Variants in HOXC4 observed in about 807,000 individuals in gnomAD.
HOXC4 encodes homeobox C4.
Under a neutral mutation model 25.5 loss-of-function variants are expected in HOXC4, and 15 were observed. The observed-to-expected ratio is 0.59, with a 90% confidence interval of 0.39 to 0.91. The LOEUF (loss-of-function observed/expected upper bound fraction) is 0.91, where lower values mean the gene tolerates loss of function less well. Among genes scored for constraint, HOXC4 ranks in the 40% least tolerant of loss-of-function variants. The pLI, the probability that HOXC4 is intolerant of heterozygous loss-of-function variation, is 0.00. For missense variants in HOXC4, 342 were observed against 352.4 expected, an observed-to-expected ratio of 0.97 and a Z score of 0.24; for synonymous variants, 165 against 148.0, an observed-to-expected ratio of 1.11 and a Z score of -0.83.
At chr12:54,030,009 C>A in intron 1 of HOXC4, 1 of 1,433,264 alleles carries the variant, frequency 7.0e-7, no homozygotes, top group Non-Finnish European at 9.3e-7. Context: ...CCTCGCTCCC[C>A]ACCAACTCTC....
chr12:54,023,930 C>A (rs1565737818), intron 1 of HOXC4, among the ~76,000 whole-genome samples: 1 of 152,132 alleles, frequency 6.6e-6, no homozygotes, highest in Admixed American at 6.5e-5. Context: ...AGGCTCTTTG[C>A]GATCTGATCC....
intron 1 of HOXC4, chr12:54,029,961 G>T: frequency 6.4e-7 from 1 of 1,557,624 alleles, no homozygotes; most frequent in South Asian, 1.2e-5. Flanking sequence ...CAGAAAGAGT[G>T]ACCAGGACTG....
chr12:54,028,640 A>T (rs937430830), intron 1 of HOXC4: 1 of 1,613,958 alleles, frequency 6.2e-7, no homozygotes, highest in Non-Finnish European at 8.5e-7. Flanking sequence ...TTCTCGACCT[A>T]TGGAGCGGCC....
At chr12:54,046,398 G>C (rs900163726) in intron 1 of HOXC4, among the ~76,000 whole-genome samples, 1 of 152,164 alleles carries the variant, frequency 6.6e-6, no homozygotes, top group African/African-American at 2.4e-5. Flanking sequence ...CAACATTGCT[G>C]TGGGGGAGGG....
chr12:54,037,023 C>T (rs934041908), intron 1 of HOXC4, among the ~76,000 whole-genome samples: 4 of 152,202 alleles, frequency 2.6e-5, no homozygotes, highest in African/African-American at 9.6e-5. Flanking sequence ...GGGTTTGGGC[C>T]TCTCCTTCCC....
chr12:54,038,454 G>C (rs1941222588), intron 1 of HOXC4, among the ~76,000 whole-genome samples: 1 of 152,210 alleles, frequency 6.6e-6, no homozygotes, highest in South Asian at 2.1e-4. Flanking sequence ...GGCCCAAGGT[G>C]GGAAACTGGG....
chr12:54,052,494 C>T (rs528760580), upstream of HOXC4, among the ~76,000 whole-genome samples: 78 of 152,230 alleles, frequency 5.1e-4, no homozygotes, highest in Non-Finnish European at 9.6e-4. Context: ...GCTCTCCCCT[C>T]CGCTACCCCC....
At chr12:54,045,371 T>C (rs1937678136) in intron 1 of HOXC4, among the ~76,000 whole-genome samples, 1 of 152,252 alleles carries the variant, frequency 6.6e-6, no homozygotes, top group Non-Finnish European at 1.5e-5. Flanking sequence ...TCTATAGTGG[T>C]TGGATGTATA....
intron 1 of HOXC4, among the ~76,000 whole-genome samples, chr12:54,026,976 G>GA (rs370870516): frequency 0.25 from 35,188 of 142,944 alleles, 4,506 homozygotes; most frequent in East Asian, 0.35. Flanking sequence ...GGGGGGGGGG[G>GA]ATATGAGCTT....
upstream of HOXC4, chr12:54,053,110 GCGAGA>G (rs1438705531): frequency 6.6e-6 from 1 of 152,364 alleles, no homozygotes; most frequent in Non-Finnish European, 1.5e-5. Context: ...GCAGGGGAAG[GCGAGA>G]CTTCTGAACT....
At chr12:54,021,832 C>A (rs890177707) in intron 1 of HOXC4, 2 of 152,368 alleles carry the variant, frequency 1.3e-5, no homozygotes, top group African/African-American at 4.8e-5. Flanking sequence ...TCTGCTGCCA[C>A]CCTGCGTCAG....
chr12:54,035,236 C>T (rs1405966840), intron 1 of HOXC4: 1 of 152,868 alleles, frequency 6.5e-6, no homozygotes, highest in East Asian at 1.9e-4. Context: ...CCTTTGCTGT[C>T]CCATAGTCCC....
chr12:54,032,777 A>T, intron 1 of HOXC4: 1 of 150,330 alleles, frequency 6.7e-6, no homozygotes. Context: ...TGTCCCGGCT[A>T]CCCCCAATTC....
intron 1 of HOXC4, among the ~76,000 whole-genome samples, chr12:54,039,172 G>T (rs1941231762): frequency 6.6e-6 from 1 of 152,224 alleles, no homozygotes; most frequent in African/African-American, 2.4e-5. Context: ...AAGGGGTGGG[G>T]AGCAGAGGGA....
At chr12:54,047,022 C>A (rs1028799412) in intron 1 of HOXC4, among the ~76,000 whole-genome samples, 2 of 152,212 alleles carry the variant, frequency 1.3e-5, no homozygotes, top group Admixed American at 6.5e-5. Context: ...TGGTCCCTCT[C>A]GCGCTGACTG....
At chr12:54,048,008 ATC>A (rs1565751999) in intron 1 of HOXC4, 1 of 151,960 alleles carries the variant, frequency 6.6e-6, no homozygotes, top group Non-Finnish European at 1.5e-5. Context: ...GCACTAAGAA[ATC>A]TCTCTCGGCC....
At chr12:54,038,499 A>G (rs1013570973) in intron 1 of HOXC4, among the ~76,000 whole-genome samples, 14 of 152,172 alleles carry the variant, frequency 9.2e-5, no homozygotes, top group Admixed American at 6.5e-4. Context: ...TGTGGCTTCT[A>G]CGCCCACAGG....
chr12:54,023,522 CTT>C, intron 1 of HOXC4, among the ~76,000 whole-genome samples: 1 of 152,152 alleles, frequency 6.6e-6, no homozygotes, highest in East Asian at 1.9e-4. Flanking sequence ...CTCTCAACCT[CTT>C]AGCTCAAAAG....
intron 1 of HOXC4, chr12:54,029,674 C>T: frequency 6.2e-7 from 1 of 1,613,546 alleles, no homozygotes; most frequent in Non-Finnish European, 8.5e-7. Flanking sequence ...ACGGAGCGGA[C>T]CGGAGGCGCG....
Sources: allele counts gnomAD v4.1 joint callset (sites outside exome capture counted in the v4.1 genomes callset), GRCh38; gene constraint gnomAD v4.1.1; transcripts MANE v1.5; gene names NCBI Gene and HGNC (gene_info 2026-07-23, HGNC 2026-07-21).